Variants in MTHFD1L observed in about 807,000 individuals in gnomAD.
MTHFD1L encodes methylenetetrahydrofolate dehydrogenase (NADP+ dependent) 1 like.
In MTHFD1L, 81 loss-of-function variants were observed where a neutral mutation model predicts 119.5. The observed-to-expected ratio is 0.68, with a 90% CI of 0.57 to 0.82. MTHFD1L has a LOEUF of 0.82. Among genes scored for constraint, MTHFD1L ranks in the 40% least tolerant of loss-of-function variants. MTHFD1L has a pLI of 0.00. For missense variants in MTHFD1L, 1,125 were observed against 1,253.4 expected, an observed-to-expected ratio of 0.90 and a Z score of 1.55; for synonymous variants, 430 against 475.2, an observed-to-expected ratio of 0.90 and a Z score of 1.24.
At chr6:150,952,554 CAG>C (rs1795006837) in intron 16 of MTHFD1L, among the ~76,000 whole-genome samples, 2 of 151,986 alleles carry the variant, frequency 1.3e-5, no homozygotes, top group African/African-American at 2.4e-5. Flanking sequence ...TTTTTTGAGA[CAG>C]AGTCTCACTC....
intron 24 of MTHFD1L, among the ~76,000 whole-genome samples, chr6:151,034,080 C>T (rs989867549): frequency 2.0e-5 from 3 of 151,598 alleles, no homozygotes; most frequent in African/African-American, 4.9e-5. Flanking sequence ...ACTCAGGAGG[C>T]TGAGATGGGA....
intron 26 of MTHFD1L, among the ~76,000 whole-genome samples, chr6:151,080,930 G>T (rs1300127425): frequency 6.6e-6 from 1 of 152,148 alleles, no homozygotes; most frequent in Non-Finnish European, 1.5e-5. Context: ...TTGAGATGGG[G>T]TCTTGCTCTG....
At position 151,088,079 on chromosome 6, in the gene MTHFD1L, G is replaced by A. The variant is rs898591628; in HGVS notation, c.2848-4388G>A. ...TTTTCCCTGCAGTGCTGTATGTCTG[G>A]GGGGGTGACAATCCTTTGATAACAG... is the stretch of plus-strand genomic sequence containing the variant. On this transcript the variant is annotated intron_variant, in intron 26 of 27. Coordinates refer to ENST00000367321, the MANE Select transcript of MTHFD1L (RefSeq NM_015440.5). 5 of 152,296 alleles carry A rather than the reference G, an allele frequency of 3.3e-5. No individual in the cohort carries two copies. The Middle Eastern group carries it at 0.01, about 311-fold the overall frequency. The allele number at this position is 152,296 out of a possible 1,614,324, so 9.4% of individuals were successfully genotyped here.
chr6:150,917,686 T>A (rs1245105057), intron 8 of MTHFD1L, among the ~76,000 whole-genome samples: 5 of 152,206 alleles, frequency 3.3e-5, no homozygotes, highest in Non-Finnish European at 7.3e-5. Flanking sequence ...AAGAACTTTA[T>A]ATACCTTATC....
At chr6:151,062,488 A>G (rs1183619913) in intron 26 of MTHFD1L, among the ~76,000 whole-genome samples, 2 of 152,136 alleles carry the variant, frequency 1.3e-5, no homozygotes, top group Non-Finnish European at 2.9e-5. Flanking sequence ...ACAGATTTTT[A>G]TGTTAACAGG....
At chr6:151,014,780 T>C (rs1337421520) in intron 22 of MTHFD1L, 100 bp from the exon 23 acceptor site, 9 of 753,326 alleles carry the variant, frequency 1.2e-5, no homozygotes, top group Non-Finnish European at 1.9e-5. Context: ...TGAAAAAAGA[T>C]GTAGCAAATC....
chr6:150,960,593 A>G (rs957650701), intron 18 of MTHFD1L, among the ~76,000 whole-genome samples, 178 bp downstream of exon 18: 13 of 152,358 alleles, frequency 8.5e-5, no homozygotes, highest in Admixed American at 7.2e-4. Context: ...ATGTTCTCAT[A>G]GTCATATATG....
chr6:151,020,677 A>G (rs1414847553), intron 24 of MTHFD1L, among the ~76,000 whole-genome samples: 1 of 152,228 alleles, frequency 6.6e-6, no homozygotes, highest in African/African-American at 2.4e-5. Context: ...TGAAATACAG[A>G]GGATCATTTC....
intron 8 of MTHFD1L, among the ~76,000 whole-genome samples, chr6:150,914,004 C>T (rs1034093623): frequency 2.0e-5 from 3 of 152,232 alleles, no homozygotes; most frequent in African/African-American, 7.2e-5. Context: ...GTGGCACATG[C>T]CTGTAGTCCC....
chr6:151,092,998 T>C (rs749375670), intron 27 of MTHFD1L, among the ~76,000 whole-genome samples: 1 of 152,230 alleles, frequency 6.6e-6, no homozygotes, highest in Admixed American at 6.5e-5. Context: ...GCTAGAATCA[T>C]GTGAAAGAGG....
At chr6:151,096,515 A>G (rs1184612931) in intron 27 of MTHFD1L, among the ~76,000 whole-genome samples, 2 of 152,198 alleles carry the variant, frequency 1.3e-5, no homozygotes, top group African/African-American at 4.8e-5. Context: ...CGTGCCTCTC[A>G]CTATAGCCAT....
intron 10 of MTHFD1L, among the ~76,000 whole-genome samples, chr6:150,925,273 A>G (rs569207319): frequency 3.9e-5 from 6 of 152,294 alleles, no homozygotes; most frequent in African/African-American, 1.4e-4. Flanking sequence ...TCCCGGGGTT[A>G]GTCTTGCTGC....
chr6:150,911,656 G>C (rs535348030), intron 8 of MTHFD1L, among the ~76,000 whole-genome samples: 6 of 152,192 alleles, frequency 3.9e-5, no homozygotes, highest in African/African-American at 1.4e-4. Flanking sequence ...GAGGGAGGGC[G>C]TATTAGTCCA....
intron 21 of MTHFD1L, among the ~76,000 whole-genome samples, chr6:151,012,814 A>C (rs564848201): frequency 7.2e-5 from 11 of 152,296 alleles, no homozygotes; most frequent in African/African-American, 2.4e-4. Flanking sequence ...GGCAAGCTGA[A>C]GACCCAGGAG....
intron 1 of MTHFD1L, among the ~76,000 whole-genome samples, chr6:150,873,769 G>A (rs1008846071): frequency 2.0e-5 from 3 of 152,164 alleles, no homozygotes; most frequent in African/African-American, 7.2e-5. Context: ...CTGGGTTCAA[G>A]TGATTCTCCT....
intron 8 of MTHFD1L, among the ~76,000 whole-genome samples, chr6:150,909,028 C>T (rs907435150): frequency 1.8e-4 from 27 of 151,814 alleles, no homozygotes; most frequent in African/African-American, 5.1e-4. Context: ...TCCTTACCCC[C>T]GTAAAAATAG....
chr6:150,895,905 TA>T (rs1171626349), intron 7 of MTHFD1L, among the ~76,000 whole-genome samples: 1 of 152,158 alleles, frequency 6.6e-6, no homozygotes, highest in Non-Finnish European at 1.5e-5. Context: ...ATGGTGACAG[TA>T]ATGACAGACA....
intron 7 of MTHFD1L, among the ~76,000 whole-genome samples, chr6:150,897,801 C>A (rs986687287): frequency 6.6e-6 from 1 of 152,160 alleles, no homozygotes; most frequent in Non-Finnish European, 1.5e-5. Flanking sequence ...TTTTCCACCC[C>A]CTCTCCAATG....
At chr6:150,910,845 A>C (rs1210290320) in intron 8 of MTHFD1L, among the ~76,000 whole-genome samples, 1 of 152,222 alleles carries the variant, frequency 6.6e-6, no homozygotes, top group Non-Finnish European at 1.5e-5. Context: ...ATATACATTT[A>C]TATTTGAAAA....
Sources: allele counts gnomAD v4.1 joint callset (sites outside exome capture counted in the v4.1 genomes callset), GRCh38; gene constraint gnomAD v4.1.1; transcripts MANE v1.5; gene names NCBI Gene and HGNC (gene_info 2026-07-23, HGNC 2026-07-21).